The following SPMIP2 variants were observed in gnomAD, a reference collection of about 807,000 sequenced individuals.
SPMIP2 encodes the protein sperm microtubule inner protein 2, also known as protein SPMIP2.
At chr4:158,971,224 A>G in the SPMIP2 span, among the ~76,000 whole-genome samples, 3 of 152,230 alleles carry the variant, frequency 2.0e-5, no homozygotes, top group Admixed American at 2.0e-4. Context: ...GCAGGACATC[A>G]TCACCCAAGG....
the SPMIP2 span, among the ~76,000 whole-genome samples, chr4:158,932,864 A>G: frequency 6.6e-6 from 1 of 152,204 alleles, no homozygotes; most frequent in South Asian, 2.1e-4. Context: ...TGGAGCTAGG[A>G]AGAGAGGAAT....
At chr4:159,008,959 TA>T in the SPMIP2 span, among the ~76,000 whole-genome samples, 3 of 152,222 alleles carry the variant, frequency 2.0e-5, no homozygotes, top group Admixed American at 6.5e-5. Flanking sequence ...GATCATCCAA[TA>T]TTTTCATTCT....
the SPMIP2 span, chr4:158,904,668 TTTTTG>T: frequency 2.6e-5 from 22 of 847,094 alleles, no homozygotes; most frequent in Non-Finnish European, 3.7e-5. Flanking sequence ...TCATTCCACC[TTTTTG>T]TTTTGTGTTT....
the SPMIP2 span, among the ~76,000 whole-genome samples, chr4:158,998,345 T>A: frequency 6.6e-6 from 1 of 152,256 alleles, no homozygotes; most frequent in Admixed American, 6.5e-5. Flanking sequence ...ATCTCCTTCT[T>A]GCATATTTTA....
the SPMIP2 span, among the ~76,000 whole-genome samples, chr4:158,928,895 T>C: frequency 3.3e-5 from 5 of 151,878 alleles, no homozygotes; most frequent in African/African-American, 1.2e-4. Flanking sequence ...GCTTCACTCC[T>C]GAGCCAGCGA....
chr4:159,016,057 TACGAC>T, the SPMIP2 span, among the ~76,000 whole-genome samples: 5 of 152,242 alleles, frequency 3.3e-5, no homozygotes, highest in Non-Finnish European at 7.3e-5. Context: ...GAGCAGGACT[TACGAC>T]AGACTGATGA....
At chr4:159,026,763 T>C in the SPMIP2 span, among the ~76,000 whole-genome samples, 7 of 151,880 alleles carry the variant, frequency 4.6e-5, no homozygotes, top group Admixed American at 4.6e-4. Context: ...GATATTAACA[T>C]AACCTACAAA....
chr4:158,980,714 T>C, the SPMIP2 span, among the ~76,000 whole-genome samples: 3 of 151,940 alleles, frequency 2.0e-5, no homozygotes, highest in African/African-American at 7.3e-5. Context: ...GTCACCAACA[T>C]CAAAGAACAA....
the SPMIP2 span, among the ~76,000 whole-genome samples, chr4:159,058,129 G>C: frequency 1.1e-5 from 1 of 92,884 alleles, no homozygotes; most frequent in Non-Finnish European, 2.3e-5. Context: ...AAAATGCTGG[G>C]ATTATCAGGC....
At chr4:158,919,407 T>C in the SPMIP2 span, among the ~76,000 whole-genome samples, 2 of 152,186 alleles carry the variant, frequency 1.3e-5, no homozygotes, top group African/African-American at 4.8e-5. Context: ...CTTGATACTT[T>C]TGAAGAATCC....
At chr4:158,997,207 G>A in the SPMIP2 span, among the ~76,000 whole-genome samples, 5 of 148,990 alleles carry the variant, frequency 3.4e-5, no homozygotes, top group East Asian at 1.9e-4. Flanking sequence ...TTTGGTGTTC[G>A]TACTATCATA....
chr4:158,973,034 T>C, the SPMIP2 span: 1 of 1,220,668 alleles, frequency 8.2e-7, no homozygotes, highest in East Asian at 2.5e-5. Context: ...AGAATTCAAG[T>C]TAGAAAACAG....
the SPMIP2 span, among the ~76,000 whole-genome samples, chr4:159,039,218 C>T: frequency 2.0e-5 from 3 of 152,154 alleles, no homozygotes; most frequent in Admixed American, 6.5e-5. Context: ...GAATTACAGG[C>T]GTGAGCCACC....
chr4:159,032,610 C>T, the SPMIP2 span, among the ~76,000 whole-genome samples: 1 of 152,054 alleles, frequency 6.6e-6, no homozygotes, highest in African/African-American at 2.4e-5. Context: ...TTCCAAATGA[C>T]AGAAAACCCA....
the SPMIP2 span, among the ~76,000 whole-genome samples, chr4:158,991,722 T>C: frequency 6.6e-6 from 1 of 152,238 alleles, no homozygotes; most frequent in Admixed American, 6.5e-5. Context: ...CTGTTTTCTC[T>C]TTCCATATGA....
the SPMIP2 span, among the ~76,000 whole-genome samples, chr4:158,930,746 A>G: frequency 3.9e-5 from 6 of 152,054 alleles, no homozygotes; most frequent in Non-Finnish European, 7.4e-5. Context: ...GCCTCAAGCA[A>G]TCTTTCTGTG....
At chr4:158,900,300 A>C in the SPMIP2 span, among the ~76,000 whole-genome samples, 1 of 152,202 alleles carries the variant, frequency 6.6e-6, no homozygotes, top group Admixed American at 6.5e-5. Flanking sequence ...TGAGGTGCTG[A>C]GAAGAATGTA....
chr4:159,034,622 G>A, the SPMIP2 span, among the ~76,000 whole-genome samples: 1 of 152,226 alleles, frequency 6.6e-6, no homozygotes, highest in Non-Finnish European at 1.5e-5. Context: ...TGGGCATGGT[G>A]GCTGATGCCT....
At chr4:159,028,418 C>T in the SPMIP2 span, among the ~76,000 whole-genome samples, 42 of 152,214 alleles carry the variant, frequency 2.8e-4, no homozygotes, top group Non-Finnish European at 2.9e-5. Flanking sequence ...GCAGCCTCGA[C>T]CTCCCAGGCC....
Sources: allele counts gnomAD v4.1 joint callset (sites outside exome capture counted in the v4.1 genomes callset), GRCh38; gene constraint gnomAD v4.1.1; transcripts MANE v1.5; gene names NCBI Gene and HGNC (gene_info 2026-07-23, HGNC 2026-07-21).